EVPL: variants seen among roughly 807,000 people sequenced by gnomAD.
EVPL encodes envoplakin.
A neutral mutation model predicts 129.7 loss-of-function variants in EVPL; 94 were observed. The observed-to-expected ratio is 0.72, with a 90% CI of 0.61 to 0.86. EVPL has a LOEUF of 0.86. EVPL is among the 40% of genes least tolerant of loss of function. The pLI, the probability that EVPL is intolerant of heterozygous loss-of-function variation, is 0.00. For missense variants in EVPL, 2,625 were observed against 2,721.1 expected, an observed-to-expected ratio of 0.96 and a Z score of 0.79; for synonymous variants, 1,172 against 1,191.1, an observed-to-expected ratio of 0.98 and a Z score of 0.33.
rs2066402862 is a variant in EVPL at position 76,014,539 on chromosome 17, G to A, written c.2260C>T (p.Gln754Ter). Residue 754 changes from glutamine (Q) to a stop codon, truncating the protein, a stop_gained, in exon 18 of 22, where the codon CAG becomes TAG. Coordinates refer to ENST00000301607, the MANE Select transcript of EVPL (RefSeq NM_001988.4). LOFTEE classifies it high-confidence loss of function. ...AGGTTATCCTTGCAGTTCTTGAACT[G>A]CTGGTAGGTGAGGGCGGCATCCTGC... ...VVQDAALTYQ[Q>*]FKNCKDNLSS... 2.5e-6 allele frequency: 4 copies of A among 1,612,148 alleles called. No homozygotes were observed. The highest frequency in any genetic ancestry group is 3.4e-6 in the Non-Finnish European group (4 of 1,179,590).
chr17:76,021,863 C>T lies in EVPL; in HGVS notation c.807+4G>A. 2 of 1,558,226 alleles carry T rather than the reference C, an allele frequency of 1.3e-6. No homozygotes were observed. Among genetic ancestry groups the T allele is most frequent in the Non-Finnish European group, 1.7e-6 (2 of 1,159,006 alleles). The stretch of plus-strand genomic sequence containing the variant: ...CCACCTGGCCCCGACCTCTGCCAGC[C>T]GACCTCGTACTCCCGCCGCACGCCC... On this transcript the variant is annotated splice_donor_region_variant and intron_variant, in intron 7 of 21. Transcript: ENST00000301607.
Position 76,007,649 on chromosome 17 carries a change from G to T in EVPL, c.5556C>A (p.Pro1852=). Residue 1852 remains proline, a synonymous_variant, in exon 22 of 22, where the codon CCC becomes CCA. Coordinates refer to ENST00000301607, the MANE Select transcript of EVPL (RefSeq NM_001988.4). The surrounding 1 kb of genome is among the most constrained non-coding windows in gnomAD (Gnocchi z 8.8). ...CCTCCAGTAGCTTCTGCCCAGTGAT[G>T]GGGTCCAGCATGTTCTTGGCCACGG... is the stretch of plus-strand genomic sequence containing the variant. ...KTAVAKNMLD[P]ITGQKLLEAQ... is the part of the protein sequence containing the mutation. The T allele has an allele frequency of 6.2e-7, 1 of 1,613,850 alleles. No individual in the cohort carries two copies.
Position 76,009,674 on chromosome 17 carries a change from G to A in EVPL, c.3531C>T (p.His1177=), listed in dbSNP as rs1261431812. Residue 1177 remains histidine, a synonymous_variant, in exon 22 of 22, where the codon CAC becomes CAT. Transcript: ENST00000301607. The surrounding 1 kb of genome is among the most constrained non-coding windows in gnomAD (Gnocchi z 5.9). Reference sequence around the variant, plus strand: ...GCTTCTCCACCACGCTGTACTTGCTGTGCAGGTCGCTCAGCTCCCTGGCCA... The same window carrying A: ...GCTTCTCCACCACGCTGTACTTGCTATGCAGGTCGCTCAGCTCCCTGGCCA... ...ATLARELSDL[H]SKYSVVEKQR... 1 of 1,613,424 alleles carries A rather than the reference G, an allele frequency of 6.2e-7. No individual in the cohort carries two copies. Among genetic ancestry groups the A allele is most frequent in the Non-Finnish European group, 8.5e-7 (1 of 1,180,032 alleles).
rs774161955 is a variant in EVPL at position 76,022,569 on chromosome 17, A to G, written c.481-31T>C. Reference sequence around the variant, plus strand: ...GGAGAGCCGGCGGCTCAGTCCCCAAAGGACCGCGGTGGGGAGCCAGAGAAC... The same window carrying G: ...GGAGAGCCGGCGGCTCAGTCCCCAAGGGACCGCGGTGGGGAGCCAGAGAAC... On this transcript the variant is annotated intron_variant, in intron 4 of 21. Coordinates refer to ENST00000301607, the MANE Select transcript of EVPL (RefSeq NM_001988.4). This position sits in a 1 kb window ranked among gnomAD's most constrained non-coding sequence, Gnocchi z 5.6. 6.3e-7 allele frequency: 1 copy of G among 1,577,654 alleles called. No individual in the cohort carries two copies. The highest frequency in any genetic ancestry group is 1.1e-5 in the South Asian group (1 of 87,170).
rs1365768986 is a variant in EVPL at position 76,007,370 on chromosome 17, G to A, written c.5835C>T (p.Ile1945=). 8.1e-6 allele frequency: 13 copies of A among 1,595,204 alleles called. No individual in the cohort carries two copies. The highest frequency in any genetic ancestry group is 6.7e-5 in the African/African-American group (5 of 74,578). Residue 1945 remains isoleucine, a synonymous_variant, in exon 22 of 22, where the codon ATC becomes ATT. Transcript: ENST00000301607. This position sits in a 1 kb window ranked among gnomAD's most constrained non-coding sequence, Gnocchi z 8.8. ...LQVQHLTGGL[I]DPKRTGRIPI... ...GGATGCGGCCTGTCCTCTTGGGGTC[G>A]ATGAGCCCCCCGGTCAGGTGCTGCA...
rs752688760 is a variant in EVPL at position 76,014,468 on chromosome 17, G to A, written c.2331C>T (p.Ser777=). 1.5e-5 allele frequency: 24 copies of A among 1,611,676 alleles called. No individual in the cohort carries two copies. Among genetic ancestry groups the A allele is most frequent in the South Asian group, 1.4e-4 (13 of 91,042 alleles). Residue 777 remains serine, a synonymous_variant, in exon 18 of 22, where the codon AGC becomes AGT. Transcript: ENST00000301607. ...EHLPRSQVRP[S]DGPSQIAYKL... is the part of the protein sequence containing the mutation. ...TGTAGGCGATCTGGCTGGGGCCGTC[G>A]CTGGGCCGCACCTGGCTGCGGGGCA...
In EVPL at chr17:76,017,649, C is replaced by T. The variant is rs529182434; in HGVS notation, c.1710+90G>A. On this transcript the variant is annotated intron_variant, in intron 14 of 21. Transcript: ENST00000301607. ...CCTTCTCCATCTCCATCCCAGCCAC[C>T]GCTCCTGCACTTGCCTCACCTCCCT... is the stretch of plus-strand genomic sequence containing the variant. 151 of 1,519,678 alleles carry T rather than the reference C, an allele frequency of 9.9e-5. 1 individual carries two copies. The East Asian group carries it at 2.5e-3, about 26-fold the overall frequency. The allele number at this position is 1,519,678 out of a possible 1,614,324, so 94.1% of individuals were successfully genotyped here.
chr17:76,018,015 G>C, intron 13 of EVPL, 104 bp from the exon 14 acceptor site: 3 of 1,550,412 alleles, frequency 1.9e-6, no homozygotes, highest in Non-Finnish European at 2.6e-6. Flanking sequence ...TAGGGTGGAG[G>C]GGATGGGCAG....
At chr17:76,020,241 T>C (rs986925450) in intron 9 of EVPL, among the ~76,000 whole-genome samples, 2 of 152,378 alleles carry the variant, frequency 1.3e-5, no homozygotes, top group East Asian at 3.8e-4. Flanking sequence ...GGTCGGTCTT[T>C]CTTTTTCCTA....
rs143752417 is a variant in EVPL, at chr17:76,007,806, G to A, written c.5399C>T (p.Pro1800Leu). ...LSIGSIISKS[P>L]LASPAPQSTS... ...GCTCTGGGGGGCCGGGGAGGCGAGC[G>A]GGGACTTGGAGATGATAGAGCCGAT... The change falls in exon 22 of 22, where the codon CCG (proline) becomes CTG (leucine). Residue 1800 changes from proline to leucine, a missense_variant. Transcript: ENST00000301607. This position sits in a 1 kb window ranked among gnomAD's most constrained non-coding sequence, Gnocchi z 8.8. 2.0e-5 allele frequency: 32 copies of A among 1,611,144 alleles called. 1 individual carries two copies. Among genetic ancestry groups the A allele is most frequent in the African/African-American group, 5.3e-5 (4 of 74,970 alleles).
intron 1 of EVPL, 81 bp downstream of exon 1, chr17:76,027,020 G>GAA (rs1354061967): frequency 4.7e-6 from 4 of 842,974 alleles, no homozygotes; most frequent in Non-Finnish European, 7.2e-6. Context: ...GGCCGCCGCC[G>GAA]CCGCCAGGTG....
rs142844241 is a variant in EVPL, at chr17:76,008,354, C to T, written c.4851G>A (p.Ser1617=). The T allele has an allele frequency of 1.7e-5, 28 of 1,603,350 alleles. No homozygotes were observed. The highest frequency in any genetic ancestry group is 2.0e-5 in the Non-Finnish European group (23 of 1,179,484). Residue 1617 remains serine, a synonymous_variant, in exon 22 of 22, where the codon TCG becomes TCA. Transcript: ENST00000301607. The surrounding 1 kb of genome is among the most constrained non-coding windows in gnomAD (Gnocchi z 7.4). ...TCTCCGTCTTCTGGCTGAGCAGCTT[C>T]GACTCCTCCTGCAGCTGCAGTGTCT... ...QQQTLQLQEE[S]KLLSQKTESE... is the part of the protein sequence containing the mutation.
At position 76,007,242 on chromosome 17, in the gene EVPL, T is replaced by C; in HGVS notation, c.5963A>G (p.Lys1988Arg). ...GGCCTCCTTGTAGCTCAGCCGTTCCTTGGAGATGGGGTCTGTCAAATCCTT... is the reference window on the plus strand; with the variant it reads ...GGCCTCCTTGTAGCTCAGCCGTTCCCTGGAGATGGGGTCTGTCAAATCCTT... ...YEKDLTDPIS[K>R]ERLSYKEAMG... The change falls in exon 22 of 22, where the codon AAG becomes AGG. Residue 1988 changes from lysine to arginine, a missense_variant. Transcript: ENST00000301607. The surrounding 1 kb of genome is among the most constrained non-coding windows in gnomAD (Gnocchi z 8.8). The C allele has an allele frequency of 6.4e-7, 1 of 1,571,222 alleles. No individual in the cohort carries two copies. The highest frequency in any genetic ancestry group is 8.6e-7 in the Non-Finnish European group (1 of 1,157,070).
intron 10 of EVPL, among the ~76,000 whole-genome samples, chr17:76,019,314 CT>C (rs2066441225): frequency 6.6e-6 from 1 of 152,134 alleles, no homozygotes; most frequent in African/African-American, 2.4e-5. Context: ...CCAGGCTGCC[CT>C]TGTCCCACTG....
chr17:76,011,922 G>A, intron 19 of EVPL, 40 bp from the exon 20 acceptor site: 1 of 1,606,066 alleles, frequency 6.2e-7, no homozygotes, highest in Non-Finnish European at 8.5e-7. Context: ...GCAACCAGTG[G>A]GGGAGGCTGG....
At chr17:76,025,686 G>A (rs763475057) in intron 1 of EVPL, among the ~76,000 whole-genome samples, 8 of 152,310 alleles carry the variant, frequency 5.3e-5, no homozygotes, top group African/African-American at 1.4e-4. Flanking sequence ...ACCCAGCCTC[G>A]GTGTCTGTTG....
At position 76,022,549 on chromosome 17, in the gene EVPL, G is replaced by C; in HGVS notation, c.481-11C>G. The C allele has an allele frequency of 6.3e-7, 1 of 1,596,594 alleles. No individual in the cohort carries two copies. The highest frequency in any genetic ancestry group is 8.5e-7 in the Non-Finnish European group (1 of 1,172,666). ...TGCGCAGACCTGCTTCTGCAGGAGA[G>C]CCGGCGGCTCAGTCCCCAAAGGACC... is the stretch of plus-strand genomic sequence containing the variant. On this transcript the variant is annotated splice_polypyrimidine_tract_variant and intron_variant, in intron 4 of 21. Transcript: ENST00000301607. The surrounding 1 kb of genome is among the most constrained non-coding windows in gnomAD (Gnocchi z 5.6).
At position 76,009,424 on chromosome 17, in the gene EVPL, C is replaced by T; in HGVS notation, c.3781G>A (p.Glu1261Lys). The T allele has an allele frequency of 6.2e-7, 1 of 1,614,112 alleles. No individual in the cohort carries two copies. The highest frequency in any genetic ancestry group is 1.3e-5 in the African/African-American group (1 of 75,038). ...KEVTQEVVRHERSPEVLREID... is the reference protein window; with the variant it reads ...KEVTQEVVRHKRSPEVLREID... ...TCACGCAGCACCTCGGGGCTCCTCT[C>T]ATGCCTCACCACCTCCTGGGTCACC... Residue 1261 changes from glutamate (E) to lysine (K), a missense_variant, in exon 22 of 22, where the codon GAG becomes AAG. By Grantham distance (56) the Glu-to-Lys change is moderately conservative (BLOSUM62 1). This residue lies in a region of EVPL where 1,453 missense variants were observed against 1,511.8 expected (regional missense o/e 0.96). Coordinates refer to ENST00000301607, the MANE Select transcript of EVPL (RefSeq NM_001988.4). The surrounding 1 kb of genome is among the most constrained non-coding windows in gnomAD (Gnocchi z 5.9).
In EVPL at chr17:76,012,290, T is replaced by C. The variant is rs567665058; in HGVS notation, c.2374-201A>G. 7.2e-4 allele frequency: 383 copies of C among 534,498 alleles called. 2 individuals carry two copies. The highest frequency in any genetic ancestry group is 6.9e-3 in the African/African-American group (347 of 50,398). 33.1% of individuals were successfully genotyped at this position (534,498 alleles called of 1,614,324 possible). On this transcript the variant is annotated intron_variant, in intron 18 of 21. Coordinates refer to ENST00000301607, the MANE Select transcript of EVPL (RefSeq NM_001988.4). ...TTCCTCCTTCCTCTCCGAGGCACCTTGGCAGAATCCCTTTCTTTCCTTTTT... is the reference window on the plus strand; with the variant it reads ...TTCCTCCTTCCTCTCCGAGGCACCTCGGCAGAATCCCTTTCTTTCCTTTTT...
Sources: allele counts gnomAD v4.1 joint callset (sites outside exome capture counted in the v4.1 genomes callset), GRCh38; gene constraint gnomAD v4.1.1; regional missense constraint gnomAD v4.1.1; non-coding constraint Gnocchi (gnomAD v3.1); transcripts MANE v1.5; gene names NCBI Gene and HGNC (gene_info 2026-07-23, HGNC 2026-07-21).